The following XKR6 variants were observed in gnomAD, a reference collection of about 807,000 sequenced individuals.
XKR6 encodes XK related 6.
In XKR6, 22 loss-of-function variants were observed where a neutral mutation model predicts 56.7. The ratio of observed to expected loss-of-function variants is 0.39; its 90% CI spans 0.28 to 0.55. XKR6 has a LOEUF of 0.55. Among genes scored for constraint, XKR6 ranks in the 20% least tolerant of loss-of-function variants. The pLI, the probability that XKR6 is intolerant of heterozygous loss-of-function variation, is 0.66. For synonymous variants in XKR6, 524 were observed against 387.8 expected (o/e 1.35, Z -4.13); for missense variants, 852 against 889.0 (o/e 0.96, Z 0.53).
At chr8:11,111,355 G>T (rs1798882024) in intron 1 of XKR6, among the ~76,000 whole-genome samples, 1 of 152,020 alleles carries the variant, frequency 6.6e-6, no homozygotes, top group South Asian at 2.1e-4. Context: ...GCCCTACATA[G>T]TAACGTCTCA....
chr8:10,992,241 C>A (rs1435320357), intron 1 of XKR6, among the ~76,000 whole-genome samples: 39 of 151,970 alleles, frequency 2.6e-4, no homozygotes, highest in Non-Finnish European at 2.9e-5. Flanking sequence ...GCCCCATTAA[C>A]CATAAACTAA....
chr8:11,035,821 ACAGGTCTGATTTTTTTCCCTGAAAAAGG>A (rs887238335), intron 1 of XKR6, among the ~76,000 whole-genome samples: 9 of 152,210 alleles, frequency 5.9e-5, no homozygotes, highest in Non-Finnish European at 1.2e-4. Context: ...CTGAAATGCC[ACAGGTCTGATTTTTTTCCCTGAAAAAGG>A]CAGGTCTGAT....
chr8:11,065,233 T>C (rs780007737), intron 1 of XKR6, among the ~76,000 whole-genome samples: 4 of 152,216 alleles, frequency 2.6e-5, no homozygotes, highest in East Asian at 1.9e-4. Context: ...CACAGGATTA[T>C]AGAGCTGAAT....
At chr8:11,077,932 C>T (rs1380692489) in intron 1 of XKR6, among the ~76,000 whole-genome samples, 1 of 152,136 alleles carries the variant, frequency 6.6e-6, no homozygotes, top group East Asian at 1.9e-4. Flanking sequence ...TGTCTACCTG[C>T]ACTGGCCGCC....
intron 1 of XKR6, 101 bp from the exon 2 acceptor site, chr8:10,924,931 C>G: frequency 1.5e-6 from 2 of 1,308,912 alleles, no homozygotes; most frequent in Non-Finnish European, 1.0e-6. Context: ...AGCATCCCCC[C>G]AACTCCCTAT....
Position 11,032,118 on chromosome 8 carries a change from G to A in XKR6, c.765-107288C>T, listed in dbSNP as rs536008134. 1.6e-4 allele frequency among the ~76,000 whole-genome samples: 24 copies of A among 152,320 alleles called. No homozygotes were observed. In the South Asian group the frequency reaches 4.8e-3, roughly 30 times the overall value. ...TACTCCTGAATTCTAGGGTGATACT[G>A]CCCCTCTGGGAGAATCTTGCCTTTG... On this transcript the variant is annotated intron_variant, in intron 1 of 2. Transcript: ENST00000416569.
At chr8:11,181,415 T>C (rs993671590) in intron 1 of XKR6, among the ~76,000 whole-genome samples, 1 of 152,250 alleles carries the variant, frequency 6.6e-6, no homozygotes, top group Non-Finnish European at 1.5e-5. Flanking sequence ...ATCGCCTTTT[T>C]ATACAAGCAT....
intron 1 of XKR6, among the ~76,000 whole-genome samples, chr8:10,972,924 C>A (rs1478593571): frequency 1.3e-5 from 2 of 152,090 alleles, no homozygotes; most frequent in African/African-American, 4.8e-5. Flanking sequence ...TACCAAGAGT[C>A]CTGTGCACAG....
At chr8:11,173,350 A>ATAT (rs1554478587) in intron 1 of XKR6, among the ~76,000 whole-genome samples, 3,564 of 142,800 alleles carry the variant, frequency 0.025, 71 homozygotes, top group African/African-American at 0.05. Context: ...CCTTAAAAAA[A>ATAT]ATATATATAT....
At chr8:11,065,354 T>C (rs1799948212) in intron 1 of XKR6, among the ~76,000 whole-genome samples, 6 of 152,124 alleles carry the variant, frequency 3.9e-5, no homozygotes. Flanking sequence ...TCTCCAGGGG[T>C]TCTATCATGT....
At chr8:11,052,011 G>C (rs1207706431) in intron 1 of XKR6, among the ~76,000 whole-genome samples, 3 of 152,086 alleles carry the variant, frequency 2.0e-5, no homozygotes, top group Admixed American at 1.3e-4. Flanking sequence ...CGTCCTCTAA[G>C]TTCCCTCCCC....
At position 10,974,670 on chromosome 8, in the gene XKR6, A is replaced by C. The variant is rs2129134971; in HGVS notation, c.765-49840T>G. Among the ~76,000 whole-genome samples, 3 of 152,314 alleles carry C rather than the reference A, an allele frequency of 2.0e-5. No homozygotes were observed. In the South Asian group the frequency reaches 6.2e-4, roughly 32 times the overall value. ...GGAAAACTCTCTCATATTTGTCTTC[A>C]TTCTCACCCTCTCCCTCCTGCCAAG... is the stretch of plus-strand genomic sequence containing the variant. On this transcript the variant is annotated intron_variant, in intron 1 of 2. Coordinates refer to ENST00000416569, the MANE Select transcript of XKR6 (RefSeq NM_173683.4).
At chr8:10,904,758 A>G (rs949197584) in intron 2 of XKR6, among the ~76,000 whole-genome samples, 2 of 152,188 alleles carry the variant, frequency 1.3e-5, no homozygotes, top group Non-Finnish European at 2.9e-5. Context: ...TAGGCTGAAC[A>G]CAGCACCTGG....
intron 1 of XKR6, among the ~76,000 whole-genome samples, chr8:11,013,618 G>A (rs1798549007): frequency 6.6e-6 from 1 of 152,132 alleles, no homozygotes; most frequent in African/African-American, 2.4e-5. Flanking sequence ...CCTAGATCTG[G>A]CCCCGGATCT....
chr8:11,197,393 C>A (rs897310815), intron 1 of XKR6, among the ~76,000 whole-genome samples: 4 of 152,152 alleles, frequency 2.6e-5, no homozygotes, highest in African/African-American at 4.8e-5. Context: ...GGAAAACTTG[C>A]ATACATCAAT....
At position 10,917,027 on chromosome 8, in the gene XKR6, G is replaced by A. The variant is rs6988391; in HGVS notation, c.961+7607C>T. Among the ~76,000 whole-genome samples, 548 of 151,436 alleles carry A rather than the reference G, an allele frequency of 3.6e-3. 2 individuals are homozygous for A. The highest frequency in any genetic ancestry group is 0.013 in the African/African-American group (522 of 41,270). On this transcript the variant is annotated intron_variant, in intron 2 of 2. Transcript: ENST00000416569. ...TTTAACGGAAAATCAGTGTTTATAT[G>A]CAGGGTTTATAATTTTCTCCTGCTT... is the stretch of plus-strand genomic sequence containing the variant.
At chr8:10,992,256 CTCTCTCTG>C (rs1357573776) in intron 1 of XKR6, among the ~76,000 whole-genome samples, 5 of 149,350 alleles carry the variant, frequency 3.3e-5, no homozygotes, top group Admixed American at 1.3e-4. Context: ...AACTAACTCT[CTCTCTCTG>C]TCTCTCTGTC....
intron 1 of XKR6, among the ~76,000 whole-genome samples, chr8:11,007,118 C>A (rs891935951): frequency 6.6e-6 from 1 of 152,140 alleles, no homozygotes; most frequent in Non-Finnish European, 1.5e-5. Context: ...TGTCTTCTTG[C>A]CTCCAGCCTG....
At chr8:10,992,150 T>C (rs183039215) in intron 1 of XKR6, among the ~76,000 whole-genome samples, 2 of 152,308 alleles carry the variant, frequency 1.3e-5, no homozygotes, top group East Asian at 1.9e-4. Flanking sequence ...GATATCATCA[T>C]CACCCTGCCT....
Sources: allele counts gnomAD v4.1 joint callset (sites outside exome capture counted in the v4.1 genomes callset), GRCh38; gene constraint gnomAD v4.1.1; transcripts MANE v1.5; gene names NCBI Gene and HGNC (gene_info 2026-07-23, HGNC 2026-07-21).